The following FIGN variants were observed in gnomAD, a reference collection of about 807,000 sequenced individuals.
The protein encoded by FIGN is fidgetin.
A neutral mutation model predicts 51.3 loss-of-function variants in FIGN; 11 were observed. The observed-to-expected ratio is 0.21, with a 90% CI of 0.13 to 0.35. FIGN has a LOEUF of 0.35. FIGN is among the 10% of genes least tolerant of loss of function. The pLI is 1.00. For synonymous variants in FIGN, 407 were observed against 363.2 expected (o/e 1.12, Z -1.37); for missense variants, 857 against 943.6 (o/e 0.91, Z 1.20).
At chr2:163,626,500 A>C (rs1254809410) in intron 2 of FIGN, among the ~76,000 whole-genome samples, 1 of 152,160 alleles carries the variant, frequency 6.6e-6, no homozygotes, top group Non-Finnish European at 1.5e-5. Context: ...TTTATTACAA[A>C]AGAGACCACA....
chr2:163,613,043 T>G (rs1383610738), intron 2 of FIGN, among the ~76,000 whole-genome samples: 1 of 152,126 alleles, frequency 6.6e-6, no homozygotes, highest in East Asian at 1.9e-4. Context: ...CAGAATAATT[T>G]GAATTTTAAA....
intron 2 of FIGN, among the ~76,000 whole-genome samples, chr2:163,667,830 C>T (rs1174189627): frequency 1.3e-5 from 2 of 152,196 alleles, no homozygotes; most frequent in Non-Finnish European, 1.5e-5. Context: ...CCTCACAAGA[C>T]TCTGAAACCT....
intron 2 of FIGN, among the ~76,000 whole-genome samples, chr2:163,661,233 TTTA>T (rs553682652): frequency 1.4e-4 from 21 of 150,640 alleles, no homozygotes; most frequent in African/African-American, 4.4e-4. Context: ...TGATTATTTA[TTTA>T]TTATTATTAT....
At chr2:163,660,084 G>C (rs1559011943) in intron 2 of FIGN, among the ~76,000 whole-genome samples, 1 of 151,708 alleles carries the variant, frequency 6.6e-6, no homozygotes, top group African/African-American at 2.4e-5. Context: ...CTGGGTGACA[G>C]AGCAAGACTC....
intron 2 of FIGN, among the ~76,000 whole-genome samples, chr2:163,676,484 A>ATATATCTAT (rs1491432139): frequency 1.6e-4 from 9 of 55,700 alleles, no homozygotes; most frequent in South Asian, 6.4e-4. Flanking sequence ...TATATATATA[A>ATATATCTAT]CTAGAGTCTG....
intron 2 of FIGN, among the ~76,000 whole-genome samples, chr2:163,661,936 T>C (rs1486125458): frequency 6.6e-6 from 1 of 152,130 alleles, no homozygotes; most frequent in Non-Finnish European, 1.5e-5. Flanking sequence ...ATCAGCAGCA[T>C]GAAAACAGAC....
chr2:163,627,451 G>T (rs1485703903), intron 2 of FIGN, among the ~76,000 whole-genome samples: 2 of 152,084 alleles, frequency 1.3e-5, no homozygotes, highest in Non-Finnish European at 2.9e-5. Flanking sequence ...TAAATCAAGG[G>T]ATGGGTCAAC....
At chr2:163,701,514 C>T (rs966409403) in intron 2 of FIGN, among the ~76,000 whole-genome samples, 6 of 152,106 alleles carry the variant, frequency 3.9e-5, no homozygotes, top group Admixed American at 2.0e-4. Flanking sequence ...GTAGAACCTG[C>T]GGATGGTTCC....
chr2:163,719,739 A>C (rs1485810967), intron 2 of FIGN, among the ~76,000 whole-genome samples: 1 of 152,176 alleles, frequency 6.6e-6, no homozygotes, highest in Non-Finnish European at 1.5e-5. Context: ...CAGAATATGC[A>C]TTTTTTAAAG....
intron 2 of FIGN, among the ~76,000 whole-genome samples, chr2:163,650,600 C>T (rs2105321389): frequency 6.6e-6 from 1 of 150,838 alleles, no homozygotes; most frequent in African/African-American, 2.4e-5. Context: ...TCCATGTGTT[C>T]TCATTGTTCA....
At chr2:163,730,439 C>A (rs931235810) in intron 2 of FIGN, among the ~76,000 whole-genome samples, 1 of 151,680 alleles carries the variant, frequency 6.6e-6, no homozygotes, top group Non-Finnish European at 1.5e-5. Context: ...TGCAGTGTGT[C>A]AAAAAAATTC....
At chr2:163,659,723 T>C (rs1278677118) in intron 2 of FIGN, among the ~76,000 whole-genome samples, 2 of 152,254 alleles carry the variant, frequency 1.3e-5, no homozygotes, top group African/African-American at 4.8e-5. Flanking sequence ...TAGATTATGA[T>C]TATTTGTTGG....
chr2:163,731,991 G>A (rs952794103), intron 2 of FIGN, among the ~76,000 whole-genome samples: 1 of 150,210 alleles, frequency 6.7e-6, no homozygotes, highest in Non-Finnish European at 1.5e-5. Flanking sequence ...GCCTCCAGCA[G>A]TGTAAGACAA....
chr2:163,644,839 G>T (rs1683358381), intron 2 of FIGN, among the ~76,000 whole-genome samples: 1 of 152,164 alleles, frequency 6.6e-6, no homozygotes. Flanking sequence ...CACATTATAT[G>T]ATTTGATTAG....
intron 2 of FIGN, among the ~76,000 whole-genome samples, chr2:163,707,815 T>C (rs1684525808): frequency 6.6e-6 from 1 of 152,108 alleles, no homozygotes; most frequent in East Asian, 1.9e-4. Context: ...AAAATATCTG[T>C]AGTTAGGAAA....
chr2:163,617,056 T>G, intron 2 of FIGN: 1 of 958,044 alleles, frequency 1.0e-6, no homozygotes, highest in Non-Finnish European at 1.2e-6. Context: ...CAGCCTTGTC[T>G]ACTCATCCTC....
intron 2 of FIGN, among the ~76,000 whole-genome samples, chr2:163,725,232 T>C (rs868196535): frequency 2.6e-5 from 4 of 151,832 alleles, no homozygotes; most frequent in Non-Finnish European, 5.9e-5. Flanking sequence ...TAATAACCAG[T>C]CTTGCAGACA....
At chr2:163,663,166 C>G (rs1309466954) in intron 2 of FIGN, among the ~76,000 whole-genome samples, 1 of 151,868 alleles carries the variant, frequency 6.6e-6, no homozygotes, top group Non-Finnish European at 1.5e-5. Context: ...GATGATCCAC[C>G]TGCCTTGACC....
chr2:163,668,022 C>G (rs910874309), intron 2 of FIGN, among the ~76,000 whole-genome samples: 4 of 149,354 alleles, frequency 2.7e-5, no homozygotes, highest in Non-Finnish European at 5.9e-5. Context: ...CAACCCCCCC[C>G]CCCAAAAAAC....
Sources: gnomAD v4.1 joint callset for allele counts (sites outside exome capture counted in the v4.1 genomes callset) on GRCh38, gnomAD v4.1.1 for gene constraint, MANE v1.5 for transcripts, NCBI Gene and HGNC (gene_info 2026-07-23, HGNC 2026-07-21) for gene names.